The following NUBPL variants were observed in gnomAD, a reference collection of about 807,000 sequenced individuals.
NUBPL encodes the protein iron-sulfur cluster transfer protein NUBPL.
Under a neutral mutation model 45.7 loss-of-function variants are expected in NUBPL, and 31 were observed. That is an observed-to-expected ratio of 0.68 (90% CI 0.51 to 0.92). NUBPL has a LOEUF of 0.92. Ranked by LOEUF, NUBPL falls within the 40% of genes least tolerant of loss-of-function variation. The pLI, the probability that NUBPL is intolerant of heterozygous loss-of-function variation, is 0.00. For missense variants in NUBPL, 401 were observed against 398.7 expected, an observed-to-expected ratio of 1.01 and a Z score of -0.05; for synonymous variants, 144 against 140.9, an observed-to-expected ratio of 1.02 and a Z score of -0.15.
At chr14:31,663,800 A>G (rs1388091283) in intron 4 of NUBPL, among the ~76,000 whole-genome samples, 1 of 152,178 alleles carries the variant, frequency 6.6e-6, no homozygotes, top group East Asian at 1.9e-4. Context: ...CTTGATGGGA[A>G]TAGCATTCAA....
chr14:31,615,540 A>G (rs1200035437), intron 4 of NUBPL, among the ~76,000 whole-genome samples: 1 of 152,120 alleles, frequency 6.6e-6, no homozygotes, highest in Admixed American at 6.5e-5. Flanking sequence ...GAGTGAGAAC[A>G]TGTGGTGTTT....
intron 7 of NUBPL, among the ~76,000 whole-genome samples, chr14:31,795,298 A>G (rs1454200330): frequency 7.0e-6 from 1 of 143,396 alleles, no homozygotes; most frequent in Non-Finnish European, 1.5e-5. Flanking sequence ...TGGGGATGGC[A>G]TTGAATCTGT....
intron 7 of NUBPL, among the ~76,000 whole-genome samples, chr14:31,817,046 G>A (rs145879573): frequency 6.6e-6 from 1 of 151,926 alleles, no homozygotes; most frequent in Non-Finnish European, 1.5e-5. Context: ...CAGGTTATCA[G>A]TATCCTAATT....
rs376948505 is a variant in NUBPL at position 31,571,158 on chromosome 14, G to A, written c.291+6110G>A. ...CTTCTACTTGTCTACTGGAATGTTT[G>A]TGTTACCTTTCACCAGCTTTATGTG... On this transcript the variant is annotated intron_variant, in intron 3 of 10. Transcript: ENST00000281081. 5.9e-5 allele frequency among the ~76,000 whole-genome samples: 9 copies of A among 152,262 alleles called. No homozygotes were observed. The East Asian group carries it at 9.6e-4, about 16-fold the overall frequency.
intron 10 of NUBPL, among the ~76,000 whole-genome samples, chr14:31,853,747 C>A (rs2040576234): frequency 6.6e-6 from 1 of 152,118 alleles, no homozygotes. Flanking sequence ...ACATGTACAC[C>A]ACTTAGGAAA....
chr14:31,835,698 C>G (rs1476287337), intron 8 of NUBPL, among the ~76,000 whole-genome samples: 1 of 152,114 alleles, frequency 6.6e-6, no homozygotes, highest in Non-Finnish European at 1.5e-5. Context: ...CACAGGCCCC[C>G]CCATTCATTG....
intron 7 of NUBPL, among the ~76,000 whole-genome samples, chr14:31,793,852 T>A (rs1396480852): frequency 9.7e-5 from 13 of 134,464 alleles, no homozygotes; most frequent in South Asian, 2.2e-4. Flanking sequence ...TTTTTTTTTT[T>A]ATTTTTTCCC....
chr14:31,679,961 A>G (rs1230652205), intron 6 of NUBPL, among the ~76,000 whole-genome samples: 1 of 152,104 alleles, frequency 6.6e-6, no homozygotes, highest in Non-Finnish European at 1.5e-5. Flanking sequence ...TTTGTTAGAT[A>G]TATCTTTTAT....
chr14:31,764,788 A>G (rs1183922441), intron 6 of NUBPL, among the ~76,000 whole-genome samples: 1 of 152,188 alleles, frequency 6.6e-6, no homozygotes, highest in Non-Finnish European at 1.5e-5. Flanking sequence ...AGTTTCTTAG[A>G]TGTCCTTTAG....
intron 3 of NUBPL, among the ~76,000 whole-genome samples, chr14:31,596,246 A>AT (rs1252751225): frequency 6.6e-6 from 1 of 152,150 alleles, no homozygotes; most frequent in Non-Finnish European, 1.5e-5. Context: ...TAAGCAAGAC[A>AT]TCCTAATTTA....
intron 4 of NUBPL, among the ~76,000 whole-genome samples, chr14:31,639,792 C>T (rs975147101): frequency 1.3e-4 from 20 of 152,278 alleles, no homozygotes; most frequent in Admixed American, 2.0e-4. Context: ...CAATGGCGGG[C>T]GCCCCTCCCC....
At chr14:31,716,429 A>T (rs941131212) in intron 6 of NUBPL, among the ~76,000 whole-genome samples, 2 of 152,136 alleles carry the variant, frequency 1.3e-5, no homozygotes, top group Non-Finnish European at 2.9e-5. Flanking sequence ...GCATAACCAC[A>T]CTTATGAGTA....
chr14:31,668,223 TG>T (rs1227544058), intron 4 of NUBPL, among the ~76,000 whole-genome samples: 1 of 152,194 alleles, frequency 6.6e-6, no homozygotes, highest in Non-Finnish European at 1.5e-5. Flanking sequence ...CGTCCCTGAC[TG>T]GGGCTGCTGC....
At position 31,859,972 on chromosome 14, in the gene NUBPL, T is replaced by A. The variant is rs994352987; in HGVS notation, c.*792T>A. 1 of 152,126 alleles carries A rather than the reference T, an allele frequency of 6.6e-6. No individual in the cohort carries two copies. Among genetic ancestry groups the A allele is most frequent in the Non-Finnish European group, 1.5e-5 (1 of 68,090 alleles). 9.4% of individuals were successfully genotyped at this position (152,126 alleles called of 1,614,324 possible). On this transcript the variant is annotated 3_prime_UTR_variant, in exon 11 of 11. Transcript: ENST00000281081. ...GAACTTGAGTAATTCGATATTAGAT[T>A]CATCTTTTTGTACACCAATGTGCTT...
chr14:31,832,086 C>T (rs543199723), intron 8 of NUBPL, among the ~76,000 whole-genome samples: 12 of 152,196 alleles, frequency 7.9e-5, no homozygotes, highest in African/African-American at 2.9e-4. Context: ...GATTTGGTCT[C>T]AAGTATAAAT....
intron 8 of NUBPL, among the ~76,000 whole-genome samples, chr14:31,836,549 T>C (rs910748825): frequency 6.6e-6 from 1 of 152,196 alleles, no homozygotes; most frequent in African/African-American, 2.4e-5. Flanking sequence ...TTCTTTCCTA[T>C]TTAAGAGAGA....
chr14:31,737,814 A>G (rs2038196368), intron 6 of NUBPL, among the ~76,000 whole-genome samples: 1 of 152,132 alleles, frequency 6.6e-6, no homozygotes, highest in Admixed American at 6.5e-5. Context: ...ATTTCTGTTC[A>G]TGGTAGTCGC....
intron 7 of NUBPL, among the ~76,000 whole-genome samples, chr14:31,811,420 A>G (rs1338599571): frequency 6.6e-6 from 1 of 152,138 alleles, no homozygotes; most frequent in Non-Finnish European, 1.5e-5. Context: ...CGGCTACTGA[A>G]GCTTGTGCAT....
intron 6 of NUBPL, among the ~76,000 whole-genome samples, chr14:31,781,157 A>T (rs1338908038): frequency 6.6e-6 from 1 of 152,248 alleles, no homozygotes; most frequent in Non-Finnish European, 1.5e-5. Flanking sequence ...ACAGAATCAT[A>T]GGTCACTGCC....
Sources: allele counts gnomAD v4.1 joint callset (sites outside exome capture counted in the v4.1 genomes callset), GRCh38; gene constraint gnomAD v4.1.1; transcripts MANE v1.5; gene names NCBI Gene and HGNC (gene_info 2026-07-23, HGNC 2026-07-21).